SH3GL2: variants seen among roughly 807,000 people sequenced by gnomAD.
SH3GL2 encodes the protein SH3 domain containing GRB2 like 2, endophilin A1, also known as endophilin-A1.
In SH3GL2, 24 loss-of-function variants were observed where a neutral mutation model predicts 46.0. The ratio of observed to expected loss-of-function variants is 0.52; its 90% CI spans 0.38 to 0.73. The LOEUF is 0.73. SH3GL2 is among the 30% of genes least tolerant of loss of function. The pLI is 0.00. For missense variants in SH3GL2, 413 were observed against 424.2 expected (o/e 0.97, Z 0.23); for synonymous variants, 196 against 147.1 (o/e 1.33, Z -2.40).
intron 1 of SH3GL2, among the ~76,000 whole-genome samples, chr9:17,684,897 T>G (rs902264993): frequency 3.3e-5 from 5 of 152,146 alleles, no homozygotes; most frequent in Non-Finnish European, 1.5e-5. Flanking sequence ...ACTGCCAACA[T>G]TTAAAAATCA....
At chr9:17,747,248 A>G in intron 2 of SH3GL2, 114 bp downstream of exon 2, 2 of 598,888 alleles carry the variant, frequency 3.3e-6, no homozygotes, top group Non-Finnish European at 5.9e-6. Context: ...TGAGAATACT[A>G]CATTTTGTTA....
intron 1 of SH3GL2, among the ~76,000 whole-genome samples, chr9:17,693,731 C>G (rs939526648): frequency 2.0e-5 from 3 of 152,182 alleles, no homozygotes; most frequent in Admixed American, 6.5e-5. Context: ...AACTCCAGTT[C>G]TCTGCTGGAT....
At chr9:17,794,767 T>G (rs1444269057) in intron 8 of SH3GL2, among the ~76,000 whole-genome samples, 2 of 152,114 alleles carry the variant, frequency 1.3e-5, no homozygotes, top group Non-Finnish European at 2.9e-5. Context: ...CAAGGTGGAG[T>G]ACATTATTTT....
intron 1 of SH3GL2, among the ~76,000 whole-genome samples, chr9:17,641,580 T>A (rs1819683251): frequency 6.6e-6 from 1 of 152,150 alleles, no homozygotes; most frequent in Non-Finnish European, 1.5e-5. Context: ...TCTAATGCTA[T>A]CCCTTCCCTT....
intron 1 of SH3GL2, among the ~76,000 whole-genome samples, chr9:17,668,024 T>G (rs1820387789): frequency 6.6e-6 from 1 of 152,226 alleles, no homozygotes; most frequent in African/African-American, 2.4e-5. Context: ...GTTTATATGT[T>G]CTGGACACTA....
chr9:17,623,371 G>C (rs137973874), intron 1 of SH3GL2, among the ~76,000 whole-genome samples: 9 of 152,094 alleles, frequency 5.9e-5, no homozygotes, highest in Non-Finnish European at 1.0e-4. Flanking sequence ...TGTTGTATAC[G>C]TATGTAGTTC....
At chr9:17,765,570 T>C (rs566755945) in intron 3 of SH3GL2, among the ~76,000 whole-genome samples, 44 of 152,312 alleles carry the variant, frequency 2.9e-4, no homozygotes, top group African/African-American at 8.9e-4. Context: ...TTCATGCCTT[T>C]AGGATTAACT....
chr9:17,584,271 C>T (rs552128644), intron 1 of SH3GL2, among the ~76,000 whole-genome samples: 60 of 152,214 alleles, frequency 3.9e-4, no homozygotes, highest in African/African-American at 1.4e-3. Flanking sequence ...GAGGCCAAGG[C>T]GGGCGGATCA....
intron 1 of SH3GL2, among the ~76,000 whole-genome samples, chr9:17,742,884 G>T (rs1039387118): frequency 2.0e-5 from 3 of 151,226 alleles, no homozygotes; most frequent in South Asian, 4.3e-4. Context: ...GGGACATATT[G>T]GTTCACTTGT....
At chr9:17,717,778 A>G (rs1189227527) in intron 1 of SH3GL2, among the ~76,000 whole-genome samples, 1 of 146,672 alleles carries the variant, frequency 6.8e-6, no homozygotes, top group African/African-American at 2.6e-5. Flanking sequence ...TATGTGCTGT[A>G]AAGGACTGTA....
chr9:17,611,182 A>G (rs1315201414), intron 1 of SH3GL2, among the ~76,000 whole-genome samples: 2 of 152,132 alleles, frequency 1.3e-5, no homozygotes, highest in Non-Finnish European at 2.9e-5. Flanking sequence ...GGTTTTTTTT[A>G]TTTCATAAAG....
chr9:17,679,316 G>T (rs926548179), intron 1 of SH3GL2, among the ~76,000 whole-genome samples: 6 of 152,120 alleles, frequency 3.9e-5, no homozygotes, highest in African/African-American at 9.7e-5. Flanking sequence ...GTTGAGCACT[G>T]GTTTGTAGTT....
At chr9:17,671,938 T>C (rs1363004127) in intron 1 of SH3GL2, among the ~76,000 whole-genome samples, 1 of 152,214 alleles carries the variant, frequency 6.6e-6, no homozygotes, top group East Asian at 1.9e-4. Context: ...TCAACAAAGA[T>C]TGTACTCATA....
chr9:17,620,272 T>G (rs1187143614), intron 1 of SH3GL2, among the ~76,000 whole-genome samples: 1 of 152,142 alleles, frequency 6.6e-6, no homozygotes, highest in East Asian at 1.9e-4. Flanking sequence ...CAGTAAACAT[T>G]TATGGAGGAT....
chr9:17,648,564 A>T (rs1282344001), intron 1 of SH3GL2, among the ~76,000 whole-genome samples: 2 of 152,180 alleles, frequency 1.3e-5, no homozygotes, highest in East Asian at 3.8e-4. Flanking sequence ...ACACTGAAAA[A>T]GGAGGGTTGC....
intron 1 of SH3GL2, among the ~76,000 whole-genome samples, chr9:17,740,211 C>T (rs184032078): frequency 3.3e-5 from 5 of 152,086 alleles, no homozygotes; most frequent in African/African-American, 7.2e-5. Context: ...CTTAAATTTC[C>T]GGATAGGAAA....
At chr9:17,613,527 C>G (rs1306577155) in intron 1 of SH3GL2, among the ~76,000 whole-genome samples, 2 of 152,156 alleles carry the variant, frequency 1.3e-5, no homozygotes, top group African/African-American at 4.8e-5. Context: ...TCTAAGCACC[C>G]TAGAGGAAGG....
chr9:17,788,122 T>C (rs1460300112), intron 5 of SH3GL2, among the ~76,000 whole-genome samples: 1 of 152,156 alleles, frequency 6.6e-6, no homozygotes, highest in African/African-American at 2.4e-5. Flanking sequence ...CTAACAAATA[T>C]TTGTTGAGCT....
intron 1 of SH3GL2, among the ~76,000 whole-genome samples, chr9:17,699,572 C>G (rs1821294303): frequency 2.0e-5 from 3 of 152,192 alleles, no homozygotes; most frequent in Admixed American, 1.3e-4. Context: ...GCTGCCATCC[C>G]TGGCCTGCCC....
Sources: allele counts gnomAD v4.1 joint callset (sites outside exome capture counted in the v4.1 genomes callset), GRCh38; gene constraint gnomAD v4.1.1; transcripts MANE v1.5; gene names NCBI Gene and HGNC (gene_info 2026-07-23, HGNC 2026-07-21).